Variants in ZFY observed in about 807,000 individuals in gnomAD.
The protein encoded by ZFY is zinc finger protein Y-linked.
For synonymous variants in ZFY, 47 were observed against 55.8 expected (o/e 0.84, Z 0.71); for missense variants, 113 against 170.9 (o/e 0.66, Z 1.89).
intron 1 of ZFY, among the ~76,000 whole-genome samples, chrY:2,949,072 C>T (rs2051270882): frequency 3.2e-5 from 1 of 31,395 alleles, no homozygotes; most frequent in African/African-American, 1.3e-4. Flanking sequence ...TGGTATTGAA[C>T]TCCTGGCCTC....
chrY:2,936,300 G>A (rs910853161), intron 1 of ZFY, among the ~76,000 whole-genome samples: 3 of 34,286 alleles, frequency 8.7e-5, no homozygotes, highest in African/African-American at 3.4e-4. Context: ...GCTCACGAGA[G>A]CACATAAATT....
chrY:2,972,944 G>C, intron 3 of ZFY, among the ~76,000 whole-genome samples: 1 of 32,976 alleles, frequency 3.0e-5, no homozygotes, highest in African/African-American at 1.2e-4. Flanking sequence ...TGAGTATTAA[G>C]TAATGCTTTC....
At chrY:2,960,580 G>GA (rs755227734) in intron 2 of ZFY, among the ~76,000 whole-genome samples, 2 of 24,559 alleles carry the variant, frequency 8.1e-5, no homozygotes, top group South Asian at 8.9e-4. Flanking sequence ...TAGGTATAAT[G>GA]AAAAAAAAAA....
At chrY:2,965,316 T>A (rs745778233) in intron 3 of ZFY, among the ~76,000 whole-genome samples, 4 of 30,781 alleles carry the variant, frequency 1.3e-4, no homozygotes, top group South Asian at 1.5e-3. Context: ...AATTTTTTTT[T>A]AATTTTTTTT....
chrY:2,940,540 C>T, intron 1 of ZFY, among the ~76,000 whole-genome samples: 1 of 33,756 alleles, frequency 3.0e-5, no homozygotes, highest in East Asian at 7.5e-4. Flanking sequence ...TGTTTCATGT[C>T]TTTTTCTATT....
Position 2,979,805 on chromosome Y carries a change from A to C in ZFY, c.2218A>C (p.Arg740=). 1 of 399,560 alleles carries C rather than the reference A, an allele frequency of 2.5e-6. No homozygotes were observed. The part of the protein sequence containing the change: ...LKKHMKTHSG[R]KVYQCEYCEY... The stretch of plus-strand genomic sequence containing the variant: ...AAAGCATATGAAGACACACAGTGGC[A>C]GGAAAGTATATCAGTGTGAGTACTG... Residue 740 remains arginine, a synonymous_variant, in exon 8 of 8, where the codon AGG becomes CGG. Transcript: ENST00000155093.
rs2051367271 is a variant in ZFY, at chrY:2,975,804, G to C, written c.928+150G>C. 2.8e-5 allele frequency: 4 copies of C among 143,135 alleles called. No individual in the cohort carries two copies. In the African/African-American group the frequency reaches 3.7e-4, roughly 13 times the overall value. 35.7% of individuals were successfully genotyped at this position (143,135 alleles called of 400,897 possible). On this transcript the variant is annotated intron_variant, in intron 5 of 7. Coordinates refer to ENST00000155093, the MANE Select transcript of ZFY (RefSeq NM_003411.4). The stretch of plus-strand genomic sequence containing the variant: ...AGGCTTTTAAGCCCCCCATCCATTA[G>C]GTATTTGTCCTAATGCTCTCTCTCC...
At chrY:2,968,332 A>G (rs2051336080) in intron 3 of ZFY, among the ~76,000 whole-genome samples, 1 of 21,727 alleles carries the variant, frequency 4.6e-5, no homozygotes, top group African/African-American at 1.9e-4. Flanking sequence ...TTTTTTTGAG[A>G]CGGAGTCTTG....
At chrY:2,955,235 C>T (rs996359248) in intron 2 of ZFY, among the ~76,000 whole-genome samples, 1 of 32,681 alleles carries the variant, frequency 3.1e-5, no homozygotes, top group Non-Finnish European at 7.5e-5. Flanking sequence ...TCAAATATGT[C>T]TCTGGCAAAT....
chrY:2,945,569 A>G, intron 1 of ZFY, among the ~76,000 whole-genome samples: 1 of 31,767 alleles, frequency 3.1e-5, no homozygotes, highest in East Asian at 8.3e-4. Context: ...CTCCAGGTCC[A>G]AGCAATTCTT....
intron 1 of ZFY, among the ~76,000 whole-genome samples, chrY:2,943,241 G>T: frequency 1.2e-4 from 4 of 34,581 alleles, no homozygotes; most frequent in Admixed American, 1.0e-3. Context: ...ATGCCAAACA[G>T]TGTAACTGTA....
Position 2,973,962 on chromosome Y carries a change from CT to C in ZFY, c.635-1119del, listed in dbSNP as rs1375101314. ...TTCACTTTATCGGTAAGTAAGGATTCTTTTTTTTTTTTTTAATACATAAACA... is the reference window on the plus strand; with the variant it reads ...TTCACTTTATCGGTAAGTAAGGATTCTTTTTTTTTTTTTAATACATAAACA... On this transcript the variant is annotated intron_variant, in intron 3 of 7. Transcript: ENST00000155093. Among the ~76,000 whole-genome samples, 25 of 23,385 alleles carry C rather than the reference CT, an allele frequency of 1.1e-3. No homozygotes were observed. In the South Asian group the frequency reaches 0.015, roughly 14 times the overall value. 62.7% of individuals were successfully genotyped at this position (23,385 alleles called of 37,273 possible).
chrY:2,966,586 A>G, intron 3 of ZFY, among the ~76,000 whole-genome samples: 2 of 33,848 alleles, frequency 5.9e-5, no homozygotes, highest in African/African-American at 1.2e-4. Context: ...AATTGGCTTA[A>G]AGAATAGTTT....
intron 2 of ZFY, among the ~76,000 whole-genome samples, chrY:2,958,025 C>G (rs749187297): frequency 3.7e-3 from 124 of 33,551 alleles, no homozygotes; most frequent in Non-Finnish European, 7.1e-3. Flanking sequence ...CTTATGCTTT[C>G]CATGTGGCCA....
chrY:2,973,063 C>CT (rs746854992), intron 3 of ZFY, among the ~76,000 whole-genome samples: 41 of 24,802 alleles, frequency 1.7e-3, no homozygotes, highest in Non-Finnish European at 2.9e-3. Flanking sequence ...GGGTCCATTA[C>CT]TTTTTTTTTT....
At chrY:2,939,797 T>G (rs762071143) in intron 1 of ZFY, among the ~76,000 whole-genome samples, 3 of 33,806 alleles carry the variant, frequency 8.9e-5, no homozygotes, top group Admixed American at 2.7e-4. Context: ...GATTTTGCTT[T>G]CTTTCTTTTC....
At chrY:2,965,661 A>G in intron 3 of ZFY, among the ~76,000 whole-genome samples, 1 of 33,999 alleles carries the variant, frequency 2.9e-5, no homozygotes, top group Non-Finnish European at 7.3e-5. Context: ...AGGGCTTTGA[A>G]AAACTGGGAC....
At chrY:2,970,720 G>A (rs2051345756) in intron 3 of ZFY, among the ~76,000 whole-genome samples, 1 of 33,586 alleles carries the variant, frequency 3.0e-5, no homozygotes, top group Non-Finnish European at 7.4e-5. Context: ...ATTGGCTTGT[G>A]TTATTACAGC....
chrY:2,973,112 C>T (rs1603311923), intron 3 of ZFY, among the ~76,000 whole-genome samples: 1 of 26,380 alleles, frequency 3.8e-5, no homozygotes. Flanking sequence ...CCCATGTTTG[C>T]GTGCAGTGGT....
Sources: allele counts gnomAD v4.1 joint callset (sites outside exome capture counted in the v4.1 genomes callset), GRCh38; gene constraint gnomAD v4.1.1; transcripts MANE v1.5; gene names NCBI Gene and HGNC (gene_info 2026-07-23, HGNC 2026-07-21).